Variants in ZNF469 observed in about 807,000 individuals in gnomAD.
The protein encoded by ZNF469 is zinc finger protein 469.
ZNF469 carries 1 observed loss-of-function variant against 1.0 expected under a neutral mutation model. The observed-to-expected ratio is 1.00, with a 90% CI of 0.35 to 4.73. The LOEUF (loss-of-function observed/expected upper bound fraction) is 4.73. Ranked by LOEUF, ZNF469 falls within the 30% of genes most tolerant of loss-of-function variation. The pLI is 0.16. For synonymous variants in ZNF469, 2,703 were observed against 2,363.4 expected (o/e 1.14, Z -4.17); for missense variants, 6,100 against 5,356.3 (o/e 1.14, Z -4.33).
chr16:88,345,856 G>A, the ZNF469 span, among the ~76,000 whole-genome samples: 1 of 152,192 alleles, frequency 6.6e-6, no homozygotes, highest in South Asian at 2.1e-4. Context: ...TGCCAGAGGT[G>A]ACCTTCAGGC....
the ZNF469 span, among the ~76,000 whole-genome samples, chr16:88,249,681 C>G: frequency 6.6e-6 from 1 of 152,098 alleles, no homozygotes; most frequent in East Asian, 1.9e-4. Flanking sequence ...TGTGATCCGC[C>G]CACCTCGGCC....
intron 1 of ZNF469, among the ~76,000 whole-genome samples, chr16:88,383,969 C>A (rs1169117101): frequency 6.6e-6 from 1 of 152,220 alleles, no homozygotes; most frequent in South Asian, 2.1e-4. Flanking sequence ...TCGGGGGACT[C>A]CCGCGGCCAC....
the ZNF469 span, among the ~76,000 whole-genome samples, chr16:88,294,384 C>T: frequency 6.6e-6 from 1 of 152,208 alleles, no homozygotes; most frequent in Admixed American, 6.5e-5. Context: ...TGCTGTCTTA[C>T]TGTCTCCTCA....
the ZNF469 span, among the ~76,000 whole-genome samples, chr16:88,304,149 C>G: frequency 6.6e-5 from 10 of 152,168 alleles, no homozygotes; most frequent in African/African-American, 2.4e-4. Context: ...TAGGACCCCT[C>G]TGGAAAACTC....
chr16:88,235,170 C>G, the ZNF469 span, among the ~76,000 whole-genome samples: 2 of 152,194 alleles, frequency 1.3e-5, no homozygotes, highest in African/African-American at 4.8e-5. Flanking sequence ...CGCACCGGGC[C>G]TCTCCAGGGA....
In ZNF469 at chr16:88,433,826, C is replaced by T. The variant is rs1185854132; in HGVS notation, c.6356C>T (p.Ser2119Leu). The change falls in exon 3 of 3, where the codon TCA (serine) becomes TTA (leucine). Residue 2119 changes from serine to leucine, a missense_variant. Coordinates refer to ENST00000565624, the MANE Select transcript of ZNF469 (RefSeq NM_001367624.2). Reference protein sequence around the residue: ...DLAACAPSPTSAAHMPCSLGP... With the variant: ...DLAACAPSPTLAAHMPCSLGP... ...GCCGCCTGCGCCCCCTCACCCACTTCAGCCGCCCACATGCCCTGCAGCCTT... is the reference window on the plus strand; with the variant it reads ...GCCGCCTGCGCCCCCTCACCCACTTTAGCCGCCCACATGCCCTGCAGCCTT... The T allele has an allele frequency of 6.5e-7, 1 of 1,549,888 alleles. No homozygotes were observed. The highest frequency in any genetic ancestry group is 8.7e-7 in the Non-Finnish European group (1 of 1,146,812).
At chr16:88,208,485 G>GGAGA in the ZNF469 span, among the ~76,000 whole-genome samples, 1 of 127,590 alleles carries the variant, frequency 7.8e-6, no homozygotes, top group Admixed American at 8.3e-5. Flanking sequence ...AGGGAGGGAG[G>GGAGA]GAGGGAGAGA....
chr16:88,379,877 G>C (rs2092516500), upstream of ZNF469, among the ~76,000 whole-genome samples: 1 of 152,194 alleles, frequency 6.6e-6, no homozygotes, highest in South Asian at 2.1e-4. Context: ...GGGGTTGTCA[G>C]AGTCCTTCAC....
At chr16:88,110,486 CTG>C in the ZNF469 span, among the ~76,000 whole-genome samples, 1 of 152,256 alleles carries the variant, frequency 6.6e-6, no homozygotes, top group African/African-American at 2.4e-5. Flanking sequence ...CTTACAGTGT[CTG>C]TGAGTAATGT....
the ZNF469 span, among the ~76,000 whole-genome samples, chr16:88,282,903 T>A: frequency 1.3e-5 from 2 of 152,108 alleles, no homozygotes. Flanking sequence ...TGGGAGCGCA[T>A]TACCTCCTGG....
chr16:88,213,151 T>A, the ZNF469 span, among the ~76,000 whole-genome samples: 1 of 151,938 alleles, frequency 6.6e-6, no homozygotes, highest in Non-Finnish European at 1.5e-5. Flanking sequence ...CAGGCTGGAG[T>A]GCAGTGGCAC....
At chr16:88,110,415 C>T in the ZNF469 span, among the ~76,000 whole-genome samples, 1 of 152,274 alleles carries the variant, frequency 6.6e-6, no homozygotes, top group Admixed American at 6.5e-5. Context: ...CGTCCGTCTT[C>T]TCTGGCAGGG....
At chr16:88,394,830 A>T (rs553054926) in intron 1 of ZNF469, among the ~76,000 whole-genome samples, 2 of 152,244 alleles carry the variant, frequency 1.3e-5, no homozygotes, top group East Asian at 3.9e-4. Context: ...CATGGCTTTC[A>T]TGTGGTCCTT....
the ZNF469 span, among the ~76,000 whole-genome samples, chr16:88,114,267 GGAGAATGACAGGGACCACA>G: frequency 6.8e-6 from 1 of 146,662 alleles, no homozygotes. Flanking sequence ...GTGTCTCCGG[GGAGAATGACAGGGACCACA>G]TTCACTCACT....
the ZNF469 span, among the ~76,000 whole-genome samples, chr16:88,272,631 T>A: frequency 6.6e-6 from 1 of 150,510 alleles, no homozygotes; most frequent in Admixed American, 6.6e-5. Context: ...AATGAACAGG[T>A]GGGTATATGG....
chr16:88,358,718 T>C, the ZNF469 span, among the ~76,000 whole-genome samples: 2 of 152,174 alleles, frequency 1.3e-5, no homozygotes, highest in African/African-American at 4.8e-5. Flanking sequence ...TTTAATTTTT[T>C]TTTTAATTTT....
At chr16:88,322,685 C>G in the ZNF469 span, among the ~76,000 whole-genome samples, 1 of 152,216 alleles carries the variant, frequency 6.6e-6, no homozygotes, top group African/African-American at 2.4e-5. Flanking sequence ...AGGACTCAGT[C>G]AGGGGTCGCC....
At chr16:88,203,469 C>A in the ZNF469 span, among the ~76,000 whole-genome samples, 1 of 149,760 alleles carries the variant, frequency 6.7e-6, no homozygotes, top group African/African-American at 2.4e-5. Flanking sequence ...GGAGCTGCGG[C>A]ATCAAAACAC....
At chr16:88,101,545 T>TG in the ZNF469 span, among the ~76,000 whole-genome samples, 5 of 6,676 alleles carry the variant, frequency 7.5e-4, no homozygotes, top group Non-Finnish European at 9.0e-3. Flanking sequence ...CTCATTACGC[T>TG]TTTTTTTTTT....
Sources: gnomAD v4.1 joint callset for allele counts (sites outside exome capture counted in the v4.1 genomes callset) on GRCh38, gnomAD v4.1.1 for gene constraint, MANE v1.5 for transcripts, NCBI Gene and HGNC (gene_info 2026-07-23, HGNC 2026-07-21) for gene names.